ATIC: variants seen among roughly 807,000 people sequenced by gnomAD.
ATIC encodes the protein bifunctional purine biosynthesis protein ATIC.
In ATIC, 64 loss-of-function variants were observed where a neutral mutation model predicts 72.5. That is an observed-to-expected ratio of 0.88 (90% CI 0.72 to 1.09). ATIC has a LOEUF of 1.09. ATIC is among the 50% of genes least tolerant of loss of function. The probability of loss-of-function intolerance (pLI) is 0.00; values close to 1 mark genes in which losing one functional copy is unlikely to be tolerated. For synonymous variants in ATIC, 281 were observed against 267.1 expected (o/e 1.05, Z -0.51); for missense variants, 787 against 732.4 (o/e 1.07, Z -0.86).
At chr2:215,312,344 G>A (rs1264852347) in intron 1 of ATIC, 154 bp from the exon 2 acceptor site, 11 of 1,512,976 alleles carry the variant, frequency 7.3e-6, no homozygotes, top group Admixed American at 1.7e-5. Context: ...GCTCGCGGGT[G>A]TAAGACCTGG....
At chr2:215,326,160 T>G in intron 6 of ATIC, 22 bp downstream of exon 6, 1 of 1,613,508 alleles carries the variant, frequency 6.2e-7, no homozygotes, top group Non-Finnish European at 8.5e-7. Flanking sequence ...TTTCATGATA[T>G]TGTAAGTTAC....
At chr2:215,333,257 T>A in intron 8 of ATIC, 93 bp from the exon 9 acceptor site, 1 of 1,033,432 alleles carries the variant, frequency 9.7e-7, no homozygotes, top group Non-Finnish European at 1.5e-6. Context: ...ATGTGCTGCG[T>A]AGACTGGGTG....
At chr2:215,334,802 T>A (rs12466139) in intron 9 of ATIC, 117 bp from the exon 10 acceptor site, 2 of 810,016 alleles carry the variant, frequency 2.5e-6, no homozygotes, top group Non-Finnish European at 4.1e-6. Context: ...TAAAATCTTA[T>A]GTAAACAGTA....
At chr2:215,319,770 C>G (rs1333796151) in intron 4 of ATIC, 39 bp downstream of exon 4, 2 of 1,504,736 alleles carry the variant, frequency 1.3e-6, no homozygotes, top group Non-Finnish European at 1.8e-6. Flanking sequence ...CATTACGAAC[C>G]AACGACAAAG....
chr2:215,344,818 AT>A lies in ATIC; in HGVS notation c.1269del (p.Ile423MetfsTer54), dbSNP rs1467189384. ...CCTCCGAGACCTCATCGTAGCCACC[AT>A]TGCTGTCAAGTACACTCAGTCTAAC... ...SALRDLIVAT[I>X]AVKYTQSNSV... On this transcript the variant is annotated frameshift_variant, in exon 13 of 16. Transcript: ENST00000236959. LOFTEE classifies it high-confidence loss of function. 6.2e-7 allele frequency: 1 copy of A among 1,614,108 alleles called. No individual in the cohort carries two copies. The highest frequency in any genetic ancestry group is 1.1e-5 in the South Asian group (1 of 91,072).
intron 7 of ATIC, among the ~76,000 whole-genome samples, chr2:215,327,652 C>T (rs1172477678): frequency 2.6e-5 from 4 of 152,090 alleles, no homozygotes; most frequent in African/African-American, 9.7e-5. Context: ...GGTGAGAGTC[C>T]CAGGCATGGA....
chr2:215,324,433 TGA>T (rs2106004416), intron 4 of ATIC, among the ~76,000 whole-genome samples: 1 of 152,318 alleles, frequency 6.6e-6, no homozygotes, highest in African/African-American at 2.4e-5. Context: ...AGTGTTTTGT[TGA>T]GAGTTTTTGT....
intron 11 of ATIC, among the ~76,000 whole-genome samples, chr2:215,337,647 G>T (rs936604560): frequency 6.6e-6 from 1 of 152,172 alleles, no homozygotes; most frequent in Non-Finnish European, 1.5e-5. Context: ...GATTACAGGC[G>T]TGAGCCACCG....
At chr2:215,361,155 C>T in the ATIC span, 6 of 220,912 alleles carry the variant, frequency 2.7e-5, no homozygotes, top group East Asian at 1.1e-4. Context: ...TACAGTATTG[C>T]GGGCCAGACA....
chr2:215,367,960 G>T, the ATIC span: 3 of 1,614,002 alleles, frequency 1.9e-6, no homozygotes, highest in Non-Finnish European at 2.5e-6. Context: ...CATCTCCAAC[G>T]GCATAATGGG....
At chr2:215,313,093 GACA>G (rs1282175333) in intron 2 of ATIC, among the ~76,000 whole-genome samples, 1 of 152,116 alleles carries the variant, frequency 6.6e-6, no homozygotes, top group Non-Finnish European at 1.5e-5. Flanking sequence ...AAAGACCCTG[GACA>G]ACACACTGGA....
chr2:215,330,702 T>C (rs2052882774), intron 7 of ATIC, among the ~76,000 whole-genome samples: 1 of 151,624 alleles, frequency 6.6e-6, no homozygotes, highest in South Asian at 2.1e-4. Flanking sequence ...CTGTTATCTT[T>C]TTCTCTTTTC....
chr2:215,354,600 C>G (rs1337641183), downstream of ATIC, among the ~76,000 whole-genome samples: 2 of 151,864 alleles, frequency 1.3e-5, no homozygotes, highest in African/African-American at 2.4e-5. Context: ...TTAGTCTGGT[C>G]TTCTAATTTT....
At chr2:215,365,532 C>T in the ATIC span, 6 of 1,614,094 alleles carry the variant, frequency 3.7e-6, no homozygotes, top group South Asian at 3.3e-5. Flanking sequence ...TCTCCTTTTC[C>T]GTTCCCAAGA....
chr2:215,359,913 C>G, the ATIC span, among the ~76,000 whole-genome samples: 2 of 152,078 alleles, frequency 1.3e-5, no homozygotes, highest in Admixed American at 6.5e-5. Flanking sequence ...TCCATTTCCA[C>G]TATTTACTAT....
chr2:215,325,040 T>G, intron 4 of ATIC: 1 of 533,106 alleles, frequency 1.9e-6, no homozygotes, highest in Non-Finnish European at 3.4e-6. Flanking sequence ...GCTGACTAAA[T>G]TACCTCTGCT....
At chr2:215,347,475 G>A (rs2053084136) in intron 14 of ATIC, 1 of 416,086 alleles carries the variant, frequency 2.4e-6, no homozygotes, top group Non-Finnish European at 4.7e-6. Flanking sequence ...ACGTTAGGTA[G>A]GTAGCCCGCC....
chr2:215,363,561 C>CT, the ATIC span: 2 of 152,282 alleles, frequency 1.3e-5, no homozygotes, highest in Non-Finnish European at 2.9e-5. Flanking sequence ...AACACCCCTG[C>CT]TGCCAGATTA....
At chr2:215,353,542 C>T (rs1310277627), downstream of ATIC, among the ~76,000 whole-genome samples, 1 of 152,038 alleles carries the variant, frequency 6.6e-6, no homozygotes, top group Non-Finnish European at 1.5e-5. Context: ...TCTTACATGT[C>T]TAAGGTTTTG....
Sources: allele counts gnomAD v4.1 joint callset (sites outside exome capture counted in the v4.1 genomes callset), GRCh38; gene constraint gnomAD v4.1.1; transcripts MANE v1.5; gene names NCBI Gene and HGNC (gene_info 2026-07-23, HGNC 2026-07-21).